CNTN4: variants seen among roughly 807,000 people sequenced by gnomAD.
CNTN4 encodes the protein contactin-4.
CNTN4 carries 77 observed loss-of-function variants against 122.5 expected under a neutral mutation model. The ratio of observed to expected loss-of-function variants is 0.63; its 90% confidence interval spans 0.52 to 0.76. CNTN4 has a LOEUF of 0.76. Ranked by LOEUF, CNTN4 falls within the 30% of genes least tolerant of loss-of-function variation. CNTN4 has a pLI of 0.00. For missense variants in CNTN4, 1,256 were observed against 1,259.1 expected (o/e 1.00, Z 0.04); for synonymous variants, 512 against 447.0 (o/e 1.15, Z -1.83).
At chr3:2,997,616 A>T (rs1695650375) in intron 14 of CNTN4, among the ~76,000 whole-genome samples, 1 of 152,216 alleles carries the variant, frequency 6.6e-6, no homozygotes, top group Admixed American at 6.5e-5. Context: ...AAAAGACTTT[A>T]GGCCTTTAGG....
At chr3:2,893,071 C>A (rs1384814272) in intron 10 of CNTN4, among the ~76,000 whole-genome samples, 1 of 152,180 alleles carries the variant, frequency 6.6e-6, no homozygotes, top group Non-Finnish European at 1.5e-5. Context: ...ATGAAAACAT[C>A]TGGATGAACA....
chr3:2,831,731 G>A (rs554247569), intron 7 of CNTN4, among the ~76,000 whole-genome samples: 2 of 152,308 alleles, frequency 1.3e-5, no homozygotes, highest in African/African-American at 4.8e-5. Context: ...GAAGACAGTT[G>A]CAGTTGATAA....
intron 4 of CNTN4, among the ~76,000 whole-genome samples, chr3:2,615,624 T>C (rs1484393917): frequency 1.3e-5 from 2 of 152,200 alleles, no homozygotes; most frequent in Non-Finnish European, 2.9e-5. Flanking sequence ...GAAGTATAAT[T>C]TATATACCCT....
At chr3:2,198,291 CA>C (rs2149374815) in intron 2 of CNTN4, among the ~76,000 whole-genome samples, 1 of 152,222 alleles carries the variant, frequency 6.6e-6, no homozygotes, top group East Asian at 1.9e-4. Context: ...CATATCACAG[CA>C]AAAAATAATG....
intron 4 of CNTN4, among the ~76,000 whole-genome samples, chr3:2,634,683 A>AT (rs2082583235): frequency 7.4e-6 from 1 of 135,994 alleles, no homozygotes; most frequent in Admixed American, 7.3e-5. Context: ...ACAGAAAAAA[A>AT]AAAAATATAT....
At chr3:2,540,999 C>T (rs182951595) in intron 3 of CNTN4, among the ~76,000 whole-genome samples, 48 of 152,108 alleles carry the variant, frequency 3.2e-4, no homozygotes, top group Admixed American at 2.5e-3. Context: ...TATGAGTAAA[C>T]GGAGGGTTAT....
intron 3 of CNTN4, among the ~76,000 whole-genome samples, chr3:2,451,610 G>A (rs2048831596): frequency 6.6e-6 from 1 of 151,742 alleles, no homozygotes; most frequent in Non-Finnish European, 1.5e-5. Flanking sequence ...AATATTAGTT[G>A]ACTGTAACCA....
chr3:2,727,556 C>T (rs2088316923), intron 4 of CNTN4, among the ~76,000 whole-genome samples: 1 of 152,168 alleles, frequency 6.6e-6, no homozygotes, highest in Non-Finnish European at 1.5e-5. Flanking sequence ...ATTGATACAG[C>T]CCCACGGCTG....
chr3:2,829,179 G>A (rs1183853034), intron 7 of CNTN4, among the ~76,000 whole-genome samples: 1 of 152,148 alleles, frequency 6.6e-6, no homozygotes, highest in Admixed American at 6.6e-5. Flanking sequence ...CCAATCAGAG[G>A]GGGTTACAGC....
At chr3:2,195,191 G>A in intron 2 of CNTN4, among the ~76,000 whole-genome samples, 1 of 152,070 alleles carries the variant, frequency 6.6e-6, no homozygotes, top group East Asian at 1.9e-4. Flanking sequence ...TTCTATGCCG[G>A]GATCATTTCA....
At position 2,580,216 on chromosome 3, in the gene CNTN4, G is replaced by A. The variant is rs779170754; in HGVS notation, c.55+8658G>A. On this transcript the variant is annotated intron_variant, in intron 4 of 24. Coordinates refer to ENST00000418658, the MANE Select transcript of CNTN4 (RefSeq NM_175607.3). ...ATCATCATTAGCAGCAGCAACAACA[G>A]CAAACCAGTGGTGTTGGTGACAGCC... Among the ~76,000 whole-genome samples, 6 of 152,290 alleles carry A rather than the reference G, an allele frequency of 3.9e-5. No homozygotes were observed. The South Asian group carries it at 6.2e-4, about 16-fold the overall frequency.
chr3:2,530,944 C>T (rs576673471), intron 3 of CNTN4, among the ~76,000 whole-genome samples: 16 of 152,254 alleles, frequency 1.1e-4, no homozygotes, highest in African/African-American at 3.8e-4. Flanking sequence ...CTTTCCCAGT[C>T]TCTTACCTTG....
intron 3 of CNTN4, among the ~76,000 whole-genome samples, chr3:2,510,135 A>G (rs866751269): frequency 1.3e-5 from 2 of 152,172 alleles, no homozygotes; most frequent in Non-Finnish European, 2.9e-5. Flanking sequence ...AAAGGTAACA[A>G]AGACCCTCCA....
intron 2 of CNTN4, among the ~76,000 whole-genome samples, chr3:2,218,147 A>G (rs2038923116): frequency 6.6e-6 from 1 of 152,200 alleles, no homozygotes; most frequent in Non-Finnish European, 1.5e-5. Flanking sequence ...TTTATTGCCT[A>G]AATTTAGGAA....
At chr3:2,663,571 G>A (rs1483236872) in intron 4 of CNTN4, among the ~76,000 whole-genome samples, 2 of 152,174 alleles carry the variant, frequency 1.3e-5, no homozygotes, top group African/African-American at 4.8e-5. Flanking sequence ...CTTGAAGCAT[G>A]TGGAATGAAT....
intron 3 of CNTN4, among the ~76,000 whole-genome samples, chr3:2,569,565 A>G (rs2079329766): frequency 6.6e-6 from 1 of 152,318 alleles, no homozygotes; most frequent in African/African-American, 2.4e-5. Context: ...AAGCTAAAAT[A>G]ACAAGTTGAG....
intron 2 of CNTN4, among the ~76,000 whole-genome samples, chr3:2,102,039 G>A (rs2032010135): frequency 6.6e-6 from 1 of 152,188 alleles, no homozygotes; most frequent in African/African-American, 2.4e-5. Flanking sequence ...CTCATATGTG[G>A]ATAGAATGAG....
At position 2,951,835 on chromosome 3, in the gene CNTN4, AAAG is replaced by A. The variant is rs1254915317; in HGVS notation, c.1358+26060_1358+26062del. On this transcript the variant is annotated intron_variant, in intron 13 of 24. Transcript: ENST00000418658. ...AGTGACCTTCAATGCACTATTAAAA[AAAG>A]AAGTTTTGTTTTGGATTGCCAGGAT... is the stretch of plus-strand genomic sequence containing the variant. 3.9e-5 allele frequency among the ~76,000 whole-genome samples: 6 copies of A among 152,374 alleles called. No individual in the cohort carries two copies. The South Asian group carries it at 1.2e-3, about 32-fold the overall frequency.
At chr3:2,282,983 G>A (rs962300701) in intron 2 of CNTN4, among the ~76,000 whole-genome samples, 2 of 152,118 alleles carry the variant, frequency 1.3e-5, no homozygotes, top group East Asian at 3.9e-4. Context: ...GAGGTTCCTA[G>A]GAGCCAGGTA....
Sources: gnomAD v4.1 joint callset for allele counts (sites outside exome capture counted in the v4.1 genomes callset) on GRCh38, gnomAD v4.1.1 for gene constraint, MANE v1.5 for transcripts, NCBI Gene and HGNC (gene_info 2026-07-23, HGNC 2026-07-21) for gene names.